Variants in DSG2 observed in about 807,000 individuals in gnomAD.
DSG2 encodes desmoglein-2.
In DSG2, 45 loss-of-function variants were observed where a neutral mutation model predicts 75.6. The ratio of observed to expected loss-of-function variants is 0.60; its 90% CI spans 0.47 to 0.76. The LOEUF is 0.76. DSG2 is among the 30% of genes least tolerant of loss of function. DSG2 has a pLI of 0.00. For missense variants in DSG2, 1,267 were observed against 1,357.4 expected, an observed-to-expected ratio of 0.93 and a Z score of 1.05; for synonymous variants, 429 against 483.9, an observed-to-expected ratio of 0.89 and a Z score of 1.49.
At chr18:31,539,063 C>A in intron 12 of DSG2, 85 bp downstream of exon 12, 6 of 1,322,558 alleles carry the variant, frequency 4.5e-6, no homozygotes, top group Non-Finnish European at 6.5e-6. Flanking sequence ...TCATTGATTT[C>A]TTCACAGTTA....
At chr18:31,518,448 A>G (rs2073106857) in intron 2 of DSG2, among the ~76,000 whole-genome samples, 174 bp downstream of exon 2, 1 of 152,222 alleles carries the variant, frequency 6.6e-6, no homozygotes, top group Non-Finnish European at 1.5e-5. Context: ...GCAGTTTTTG[A>G]CAATGTAAAT....
chr18:31,536,117 C>G (rs746061229), intron 10 of DSG2, 85 bp from the exon 11 acceptor site: 7 of 1,349,572 alleles, frequency 5.2e-6, no homozygotes, highest in African/African-American at 1.4e-5. Flanking sequence ...ACCTTCTCCA[C>G]TCCAAATTGG....
rs1419904004 is a variant in DSG2 at position 31,522,266 on chromosome 18, T to C, written c.690+17T>C. On this transcript the variant is annotated intron_variant, in intron 6 of 14. Transcript: ENST00000261590. Reference sequence around the variant, plus strand: ...GACAGAGAGGTAAGTTAATATGTTATGTTGCCCATCTTTAAACTCTCTATC... The same window carrying C: ...GACAGAGAGGTAAGTTAATATGTTACGTTGCCCATCTTTAAACTCTCTATC... The C allele has an allele frequency of 3.1e-6, 5 of 1,609,040 alleles. No homozygotes were observed. The highest frequency in any genetic ancestry group is 1.3e-5 in the African/African-American group (1 of 74,956).
At chr18:31,529,397 A>G (rs189388724) in intron 8 of DSG2, among the ~76,000 whole-genome samples, 1 of 152,258 alleles carries the variant, frequency 6.6e-6, no homozygotes. Context: ...TTTATTTCTC[A>G]TCCGGCATAT....
In DSG2 at chr18:31,547,162, G is replaced by GTACTT. The variant is rs2144362937; in HGVS notation, c.*424_*428dup. 1 of 313,628 alleles carries GTACTT rather than the reference G, an allele frequency of 3.2e-6. No individual in the cohort carries two copies. The highest frequency in any genetic ancestry group is 6.2e-6 in the Non-Finnish European group (1 of 162,262). The allele number at this position is 313,628 out of a possible 1,614,324, so 19.4% of individuals were successfully genotyped here. On this transcript the variant is annotated 3_prime_UTR_variant, in exon 15 of 15. Coordinates refer to ENST00000261590, the MANE Select transcript of DSG2 (RefSeq NM_001943.5). ...ATTAAACATTGATGTTCTGTATTCT[G>GTACTT]TACTTTACTGCACCCAGCAGACTTT... is the stretch of plus-strand genomic sequence containing the variant.
chr18:31,540,644 G>C (rs907539084), intron 12 of DSG2, among the ~76,000 whole-genome samples: 1 of 152,186 alleles, frequency 6.6e-6, no homozygotes, highest in African/African-American at 2.4e-5. Flanking sequence ...ATCATTGGAA[G>C]CTGCCAAATG....
At position 31,498,237 on chromosome 18, in the gene DSG2, G is replaced by A. The variant is rs727502982; in HGVS notation, c.-15G>A. ...GCGGAGCGGTGCGGCGGCGGGAGGC[G>A]GAGGCGAGGGTGCGATGGCGCGGAG... On this transcript the variant is annotated 5_prime_UTR_variant, in exon 1 of 15. Transcript: ENST00000261590. The A allele has an allele frequency of 1.6e-6, 2 of 1,253,772 alleles. No individual in the cohort carries two copies. The highest frequency in any genetic ancestry group is 3.1e-5 in the African/African-American group (2 of 64,316). 77.7% of individuals were successfully genotyped at this position (1,253,772 alleles called of 1,614,324 possible).
chr18:31,543,320 G>C (rs533821408), intron 14 of DSG2: 1 of 155,752 alleles, frequency 6.4e-6, no homozygotes, highest in East Asian at 1.9e-4. Context: ...ATGTCAGTGG[G>C]TCGGAAAGTT....
chr18:31,499,960 A>G (rs558548791), intron 1 of DSG2, among the ~76,000 whole-genome samples: 1 of 146,154 alleles, frequency 6.8e-6, no homozygotes, highest in East Asian at 2.1e-4. Context: ...AAATTTGAAT[A>G]TGTTTATTTT....
At chr18:31,513,022 G>A (rs1034083946) in intron 1 of DSG2, among the ~76,000 whole-genome samples, 4 of 152,184 alleles carry the variant, frequency 2.6e-5, no homozygotes, top group Admixed American at 2.0e-4. Context: ...TTTATTGAAT[G>A]CCAGTCACTG....
intron 10 of DSG2, among the ~76,000 whole-genome samples, chr18:31,535,781 C>A (rs1241800347): frequency 1.6e-3 from 233 of 147,882 alleles, no homozygotes; most frequent in African/African-American, 4.9e-3. Flanking sequence ...AAAAAAAAAA[C>A]AAAAACAAAA....
At chr18:31,542,961 T>G (rs2073279912) in intron 14 of DSG2, 109 bp downstream of exon 14, 3 of 756,798 alleles carry the variant, frequency 4.0e-6, no homozygotes, top group Non-Finnish European at 5.4e-6. Context: ...GACTTTGGGT[T>G]TTTTTTTTTT....
At position 31,545,961 on chromosome 18, in the gene DSG2, A is replaced by G. The variant is rs886039011; in HGVS notation, c.2575A>G (p.Thr859Ala). ...KEIEQRQKPA[T>A]ETSMNTASHS... is the part of the protein sequence containing the mutation. ...AATTGAGCAGAGACAAAAACCTGCC[A>G]CAGAAACAAGTATGAACACAGCTTC... Residue 859 changes from threonine to alanine, a missense_variant, in exon 15 of 15, where the codon ACA becomes GCA. Coordinates refer to ENST00000261590, the MANE Select transcript of DSG2 (RefSeq NM_001943.5). The G allele has an allele frequency of 5.0e-6, 8 of 1,614,218 alleles. No individual in the cohort carries two copies. Among genetic ancestry groups the G allele is most frequent in the Non-Finnish European group, 5.9e-6 (7 of 1,180,046 alleles).
intron 9 of DSG2, among the ~76,000 whole-genome samples, chr18:31,533,702 A>G (rs2073211262): frequency 6.6e-6 from 1 of 152,226 alleles, no homozygotes; most frequent in Non-Finnish European, 1.5e-5. Flanking sequence ...TTAAAATTTC[A>G]GACATGAAAT....
rs770906002 is a variant in DSG2, at chr18:31,536,077, C to T, written c.1424-125C>T. On this transcript the variant is annotated intron_variant, in intron 10 of 14. Transcript: ENST00000261590. ...TACTTGGTCCAAATTTGAAACATAT[C>T]TAGGATAGAAAATGTCCTAAGTGGT... The T allele has an allele frequency of 5.9e-6, 5 of 851,938 alleles. No homozygotes were observed. The Admixed American group carries it at 1.0e-4, about 17-fold the overall frequency. The allele number at this position is 851,938 out of a possible 1,614,324, so 52.8% of individuals were successfully genotyped here.
At chr18:31,535,655 A>G (rs2144340347) in intron 10 of DSG2, among the ~76,000 whole-genome samples, 1 of 151,940 alleles carries the variant, frequency 6.6e-6, no homozygotes, top group Admixed American at 6.6e-5. Context: ...TTAGCTGGGC[A>G]TGGTGGCATG....
chr18:31,546,716 T>C lies in DSG2; in HGVS notation c.3330T>C (p.His1110=), dbSNP rs1567935343. The part of the protein sequence containing the change: ...ITTSSTRVTK[H]STVQHSYS ...CATCTTCCACCAGAGTTACCAAGCA[T>C]AGCACTGTACAGCATTCTTACTCCT... is the stretch of plus-strand genomic sequence containing the variant. Residue 1110 remains histidine, a synonymous_variant, in exon 15 of 15, where the codon CAT becomes CAC. Transcript: ENST00000261590. 1 of 1,614,194 alleles carries C rather than the reference T, an allele frequency of 6.2e-7. No homozygotes were observed. The highest frequency in any genetic ancestry group is 1.3e-5 in the African/African-American group (1 of 75,040).
chr18:31,518,740 A>G (rs562008353), intron 2 of DSG2, among the ~76,000 whole-genome samples: 14 of 152,306 alleles, frequency 9.2e-5, no homozygotes, highest in South Asian at 8.3e-4. Context: ...AAAAAAATCA[A>G]TGACCTAGTG....
intron 1 of DSG2, among the ~76,000 whole-genome samples, chr18:31,499,594 A>C (rs1323364761): frequency 2.0e-5 from 3 of 152,170 alleles, no homozygotes; most frequent in Non-Finnish European, 4.4e-5. Flanking sequence ...GTGATCTGGG[A>C]CGTCGTTTTT....
Sources: allele counts gnomAD v4.1 joint callset (sites outside exome capture counted in the v4.1 genomes callset), GRCh38; gene constraint gnomAD v4.1.1; transcripts MANE v1.5; gene names NCBI Gene and HGNC (gene_info 2026-07-23, HGNC 2026-07-21).